DIP2C: variants seen among roughly 807,000 people sequenced by gnomAD.
DIP2C encodes disco-interacting protein 2 homolog C.
In DIP2C, 33 loss-of-function variants were observed where a neutral mutation model predicts 192.4. The ratio of observed to expected loss-of-function variants is 0.17; its 90% CI spans 0.13 to 0.23. DIP2C has a LOEUF of 0.23. Among genes scored for constraint, DIP2C ranks in the 10% least tolerant of loss-of-function variants. The pLI, the probability that DIP2C is intolerant of heterozygous loss-of-function variation, is 1.00. For missense variants in DIP2C, 1,537 were observed against 2,110.1 expected, an observed-to-expected ratio of 0.73 and a Z score of 5.32; for synonymous variants, 979 against 864.1, an observed-to-expected ratio of 1.13 and a Z score of -2.33.
intron 31 of DIP2C, among the ~76,000 whole-genome samples, chr10:323,707 ATT>A (rs1957132767): frequency 6.6e-6 from 1 of 152,100 alleles, no homozygotes; most frequent in Non-Finnish European, 1.5e-5. Flanking sequence ...GTATTTTCTG[ATT>A]TTGTTTTCTA....
At chr10:461,860 C>A (rs1475356883) in intron 3 of DIP2C, among the ~76,000 whole-genome samples, 1 of 152,182 alleles carries the variant, frequency 6.6e-6, no homozygotes, top group African/African-American at 2.4e-5. Context: ...CAAATTAGAA[C>A]TCACAGTTAA....
In DIP2C at chr10:565,354, T is replaced by TAAA. The variant is rs59721670; in HGVS notation, c.86-78827_86-78825dup. 1.5e-3 allele frequency among the ~76,000 whole-genome samples: 170 copies of TAAA among 114,106 alleles called. 5 individuals are homozygous for TAAA. Among genetic ancestry groups the TAAA allele is most frequent in the Middle Eastern group, 9.4e-3 (2 of 212 alleles). The allele number at this position is 114,106 out of a possible 152,430, so 74.9% of individuals were successfully genotyped here. A position where few individuals can be genotyped will look rare whatever the true frequency, so the allele number is the denominator to read the frequency against. On this transcript the variant is annotated intron_variant, in intron 1 of 36. Transcript: ENST00000280886. ...AAAATATGAAACAGTACCTGCATTC[T>TAAA]AAAAAAAAAAAAAAAAAGACCTAGA...
intron 34 of DIP2C, among the ~76,000 whole-genome samples, chr10:283,798 A>G (rs1954960623): frequency 6.6e-6 from 1 of 152,238 alleles, no homozygotes; most frequent in Non-Finnish European, 1.5e-5. Flanking sequence ...GATTATTTCT[A>G]AAGAGCAAGA....
chr10:443,687 C>T (rs541196527), intron 3 of DIP2C, among the ~76,000 whole-genome samples: 4 of 152,308 alleles, frequency 2.6e-5, no homozygotes, highest in Admixed American at 6.5e-5. Context: ...CAGGCTTTGG[C>T]CTTTTCTTAT....
chr10:368,782 G>A (rs1193392349), intron 18 of DIP2C, among the ~76,000 whole-genome samples: 1 of 152,230 alleles, frequency 6.6e-6, no homozygotes, highest in East Asian at 1.9e-4. Context: ...ATGCCTGGAG[G>A]GCTCAGCAGG....
In DIP2C at chr10:333,319, T is replaced by C. The variant is rs142352387; in HGVS notation, c.3585-3718A>G. Among the ~76,000 whole-genome samples the C allele has an allele frequency of 1.8e-3, 274 of 152,350 alleles. 2 individuals are homozygous for C. The highest frequency in any genetic ancestry group is 6.2e-3 in the African/African-American group (259 of 41,576). ...AATTGAAGAGTTGTAAAATGGTCAC[T>C]ACTCTAGAACATTCCCATCACCTGA... On this transcript the variant is annotated intron_variant, in intron 29 of 36. Transcript: ENST00000280886.
At chr10:616,784 G>T (rs1290381569) in intron 1 of DIP2C, among the ~76,000 whole-genome samples, 1 of 152,122 alleles carries the variant, frequency 6.6e-6, no homozygotes, top group East Asian at 1.9e-4. Context: ...GGGTGCCTAG[G>T]AATCAGCATT....
chr10:367,393 G>A (rs1237851442), intron 18 of DIP2C, among the ~76,000 whole-genome samples: 1 of 151,618 alleles, frequency 6.6e-6, no homozygotes, highest in Admixed American at 6.6e-5. Context: ...CTCCAGCCTG[G>A]GCGACAGCGA....
At chr10:371,876 C>A (rs1296516079) in intron 17 of DIP2C, among the ~76,000 whole-genome samples, 1 of 152,188 alleles carries the variant, frequency 6.6e-6, no homozygotes, top group Admixed American at 6.5e-5. Context: ...TACTTTGTTA[C>A]GAGAGCCGGA....
At chr10:511,631 C>T (rs1269505537) in intron 1 of DIP2C, among the ~76,000 whole-genome samples, 1 of 8,988 alleles carries the variant, frequency 1.1e-4, no homozygotes, top group Non-Finnish European at 0.01. Flanking sequence ...CCGACACTGA[C>T]CCAGCCTCCC....
chr10:362,755 T>C (rs990440548), intron 21 of DIP2C, 64 bp from the exon 22 acceptor site: 4 of 1,490,660 alleles, frequency 2.7e-6, no homozygotes, highest in Non-Finnish European at 3.6e-6. Flanking sequence ...GTATTTATAT[T>C]ATGCAAAATA....
At chr10:292,255 C>T (rs1051176008) in intron 32 of DIP2C, among the ~76,000 whole-genome samples, 1 of 152,242 alleles carries the variant, frequency 6.6e-6, no homozygotes, top group African/African-American at 2.4e-5. Flanking sequence ...ACACCCTTCC[C>T]TAGGTGAAAG....
At chr10:302,657 T>C (rs1034526041) in intron 32 of DIP2C, among the ~76,000 whole-genome samples, 14 of 152,306 alleles carry the variant, frequency 9.2e-5, no homozygotes, top group African/African-American at 3.4e-4. Flanking sequence ...CCTACGCTCC[T>C]ATGCTGTATG....
intron 22 of DIP2C, among the ~76,000 whole-genome samples, chr10:360,426 C>T (rs961923837): frequency 1.3e-5 from 2 of 152,188 alleles, no homozygotes; most frequent in Admixed American, 6.5e-5. Flanking sequence ...TTTCTCTTCC[C>T]GCTCCCATTA....
At chr10:676,364 C>T (rs956952650) in intron 1 of DIP2C, among the ~76,000 whole-genome samples, 6 of 151,992 alleles carry the variant, frequency 3.9e-5, no homozygotes, top group Non-Finnish European at 8.8e-5. Flanking sequence ...ACAAGGACGC[C>T]CACTTGTACC....
intron 2 of DIP2C, among the ~76,000 whole-genome samples, chr10:483,324 G>A (rs1242898153): frequency 6.6e-6 from 1 of 152,260 alleles, no homozygotes; most frequent in Non-Finnish European, 1.5e-5. Flanking sequence ...CGAAGATCCT[G>A]CACAAAGGAA....
intron 15 of DIP2C, 83 bp from the exon 16 acceptor site, chr10:384,229 G>C (rs1962650424): frequency 3.3e-6 from 5 of 1,528,618 alleles, no homozygotes; most frequent in Non-Finnish European, 4.4e-6. Context: ...TGTGAGTAGT[G>C]GGGAAGGGTG....
At chr10:311,785 A>T (rs1956577505) in intron 31 of DIP2C, among the ~76,000 whole-genome samples, 1 of 152,222 alleles carries the variant, frequency 6.6e-6, no homozygotes, top group African/African-American at 2.4e-5. Flanking sequence ...CCACTGTACA[A>T]GGCTAAAAGA....
At chr10:435,717 T>C (rs1361473152) in intron 4 of DIP2C, among the ~76,000 whole-genome samples, 1 of 152,200 alleles carries the variant, frequency 6.6e-6, no homozygotes, top group African/African-American at 2.4e-5. Context: ...ATTCTCAAGA[T>C]TATCACGTAT....
Sources: gnomAD v4.1 joint callset for allele counts (sites outside exome capture counted in the v4.1 genomes callset) on GRCh38, gnomAD v4.1.1 for gene constraint, MANE v1.5 for transcripts, NCBI Gene and HGNC (gene_info 2026-07-23, HGNC 2026-07-21) for gene names.